The following KNG1 variants were observed in gnomAD, a reference collection of about 807,000 sequenced individuals.
The protein encoded by KNG1 is kininogen-1.
A neutral mutation model predicts 47.8 loss-of-function variants in KNG1; 23 were observed. The ratio of observed to expected loss-of-function variants is 0.48; its 90% confidence interval spans 0.35 to 0.68. The LOEUF is 0.68. Among genes scored for constraint, KNG1 ranks in the 30% least tolerant of loss-of-function variants. KNG1 has a pLI of 0.01. For missense variants in KNG1, 762 were observed against 790.2 expected, an observed-to-expected ratio of 0.96 and a Z score of 0.43; for synonymous variants, 277 against 277.0, an observed-to-expected ratio of 1.00 and a Z score of 0.00.
At chr3:186,718,720 G>A (rs1327984378) in intron 1 of KNG1, among the ~76,000 whole-genome samples, 1 of 152,094 alleles carries the variant, frequency 6.6e-6, no homozygotes, top group East Asian at 1.9e-4. Flanking sequence ...CCTTTAATGG[G>A]AGGGGGTACT....
At chr3:186,720,897 G>C (rs547295687) in intron 2 of KNG1, among the ~76,000 whole-genome samples, 11 of 140,200 alleles carry the variant, frequency 7.8e-5, no homozygotes, top group Non-Finnish European at 1.4e-4. Context: ...TCACGCCATT[G>C]TCCTGCCTCA....
At chr3:186,731,988 AC>A (rs1343156560) in intron 6 of KNG1, among the ~76,000 whole-genome samples, 2 of 152,066 alleles carry the variant, frequency 1.3e-5, no homozygotes, top group Non-Finnish European at 2.9e-5. Flanking sequence ...TCAGAACAAA[AC>A]CCTTTCAATT....
Position 186,741,973 on chromosome 3 carries a change from G to C in KNG1, c.1577G>C (p.Ser526Thr). 1 of 1,614,244 alleles carries C rather than the reference G, an allele frequency of 6.2e-7. No individual in the cohort carries two copies. The highest frequency in any genetic ancestry group is 8.5e-7 in the Non-Finnish European group (1 of 1,180,046). Residue 526 changes from serine to threonine, a missense_variant, in exon 10 of 10, where the codon AGC becomes ACC. Coordinates refer to ENST00000644859, the MANE Select transcript of KNG1 (RefSeq NM_001102416.3). ...GGTTGGAAAACAGAGCATTTGGCAA[G>C]CTCTTCTGAAGACAGTACTACACCT... ...HNGWKTEHLA[S>T]SSEDSTTPSA...
intron 9 of KNG1, among the ~76,000 whole-genome samples, chr3:186,741,097 A>T (rs2108637349): frequency 6.6e-6 from 1 of 151,866 alleles, no homozygotes; most frequent in East Asian, 1.9e-4. Flanking sequence ...GGGTTCAAGC[A>T]ATTCTCCTGC....
rs780502194 is a variant in KNG1, at chr3:186,720,187, A to T, written c.278A>T (p.Asp93Val). ...GTTCAAAGTGGCAAAACCTGGCAGGACTGTGAGTACAAGGATGCTGCAAAA... is the reference window on the plus strand; with the variant it reads ...GTTCAAAGTGGCAAAACCTGGCAGGTCTGTGAGTACAAGGATGCTGCAAAA... ...CPVQSGKTWQ[D>V]CEYKDAAKAA... The change falls in exon 2 of 10, where the codon GAC becomes GTC. Residue 93 changes from aspartate (D) to valine (V), a missense_variant. Physicochemically the swap from Asp to Val is radical, Grantham distance 152. Coordinates refer to ENST00000644859, the MANE Select transcript of KNG1 (RefSeq NM_001102416.3). 6.2e-7 allele frequency: 1 copy of T among 1,612,712 alleles called. No homozygotes were observed. The highest frequency in any genetic ancestry group is 8.5e-7 in the Non-Finnish European group (1 of 1,178,732).
chr3:186,722,426 T>C lies in KNG1; in HGVS notation c.307-11T>C, dbSNP rs1199825709. 2.5e-6 allele frequency: 4 copies of C among 1,606,056 alleles called. No individual in the cohort carries two copies. Among genetic ancestry groups the C allele is most frequent in the Non-Finnish European group, 3.4e-6 (4 of 1,172,832 alleles). On this transcript the variant is annotated splice_polypyrimidine_tract_variant and intron_variant, in intron 2 of 9. Coordinates refer to ENST00000644859, the MANE Select transcript of KNG1 (RefSeq NM_001102416.3). ...AGATTAAGATAAATGATCTCTTTCT[T>C]TTCTTTTTAGGCCACTGGAGAATGC... is the stretch of plus-strand genomic sequence containing the variant.
intron 5 of KNG1, among the ~76,000 whole-genome samples, chr3:186,730,697 TATATATATATATATATATAC>T (rs1380534172): frequency 3.1e-4 from 5 of 16,130 alleles, no homozygotes; most frequent in Admixed American, 9.5e-4. Context: ...TATATATATA[TATATATATATATATATATAC>T]ACACACACAC....
chr3:186,726,385 A>C (rs1181573554), intron 4 of KNG1, among the ~76,000 whole-genome samples: 1 of 149,808 alleles, frequency 6.7e-6, no homozygotes, highest in Non-Finnish European at 1.5e-5. Flanking sequence ...CCACCTCCCA[A>C]GTTTAAGAGA....
chr3:186,732,159 C>T (rs1327284740), intron 6 of KNG1, among the ~76,000 whole-genome samples: 1 of 152,158 alleles, frequency 6.6e-6, no homozygotes, highest in Non-Finnish European at 1.5e-5. Context: ...TCATCAGAAC[C>T]ATAGCACTTA....
intron 6 of KNG1, 21 bp from the exon 7 acceptor site, chr3:186,732,481 C>G (rs1720560519): frequency 6.2e-7 from 1 of 1,613,564 alleles, no homozygotes; most frequent in Admixed American, 1.7e-5. Context: ...TACATGTTGA[C>G]TTAAAACCTG....
intron 3 of KNG1, among the ~76,000 whole-genome samples, chr3:186,723,947 C>T (rs1720278090): frequency 1.3e-5 from 2 of 152,178 alleles, no homozygotes; most frequent in South Asian, 4.2e-4. Context: ...AGCCACTGTG[C>T]CTGGTCCCCC....
intron 2 of KNG1, chr3:186,720,498 A>C: frequency 1.1e-5 from 4 of 371,738 alleles, no homozygotes; most frequent in Non-Finnish European, 1.0e-5. Context: ...TAACAAATTG[A>C]CATTTGGGCC....
At chr3:186,723,401 C>G (rs186970209) in intron 3 of KNG1, among the ~76,000 whole-genome samples, 2 of 152,120 alleles carry the variant, frequency 1.3e-5, no homozygotes, top group Non-Finnish European at 2.9e-5. Context: ...ATTCACCAAC[C>G]TCTTCATTTC....
Position 186,741,723 on chromosome 3 carries a change from C to G in KNG1, c.1327C>G (p.His443Asp). 1 of 1,614,158 alleles carries G rather than the reference C, an allele frequency of 6.2e-7. No individual in the cohort carries two copies. The highest frequency in any genetic ancestry group is 1.1e-5 in the South Asian group (1 of 91,076). The change falls in exon 10 of 10, where the codon CAT becomes GAT. Residue 443 changes from histidine (H) to aspartate (D), a missense_variant. By Grantham distance (81) the His-to-Asp change is moderately conservative (BLOSUM62 -1). Transcript: ENST00000644859. ...AAAACAAAGAAAACATAATCTTGGC[C>G]ATGGCCATAAACATGAACGTGACCA... ...HEKQRKHNLG[H>D]GHKHERDQGH...
At chr3:186,727,047 T>TGTGTGTGTGA (rs770978882) in intron 4 of KNG1, among the ~76,000 whole-genome samples, 190 bp from the exon 5 acceptor site, 2 of 151,770 alleles carry the variant, frequency 1.3e-5, no homozygotes, top group African/African-American at 4.8e-5. Flanking sequence ...TGTGTTTGTG[T>TGTGTGTGTGA]GAGAGATATG....
intron 1 of KNG1, among the ~76,000 whole-genome samples, chr3:186,718,870 C>T (rs113373239): frequency 0.012 from 1,830 of 152,264 alleles, 22 homozygotes; most frequent in Non-Finnish European, 0.02. Flanking sequence ...TGATGCACTC[C>T]AGCAGGAGAC....
intron 7 of KNG1, 58 bp downstream of exon 7, chr3:186,732,732 T>A: frequency 7.2e-7 from 1 of 1,389,114 alleles, no homozygotes; most frequent in Non-Finnish European, 1.0e-6. Flanking sequence ...AATTGCTGAC[T>A]AATTTTGCCA....
chr3:186,718,057 C>G, intron 1 of KNG1: 1 of 276,120 alleles, frequency 3.6e-6, no homozygotes, highest in Non-Finnish European at 6.7e-6. Context: ...CCACCACCAT[C>G]ACCCACCACC....
chr3:186,730,706 A>G (rs1720502484), intron 5 of KNG1, among the ~76,000 whole-genome samples: 1 of 119,196 alleles, frequency 8.4e-6, no homozygotes, highest in Non-Finnish European at 1.6e-5. Flanking sequence ...ATATATATAT[A>G]TATATATATA....
Sources: gnomAD v4.1 joint callset for allele counts (sites outside exome capture counted in the v4.1 genomes callset) on GRCh38, gnomAD v4.1.1 for gene constraint, MANE v1.5 for transcripts, NCBI Gene and HGNC (gene_info 2026-07-23, HGNC 2026-07-21) for gene names.